GALNT13: variants seen among roughly 807,000 people sequenced by gnomAD.
GALNT13 encodes UDP-GalNAc:polypeptide N-acetylgalactosaminyltransferase 13.
A neutral mutation model predicts 64.2 loss-of-function variants in GALNT13; 28 were observed. The ratio of observed to expected loss-of-function variants is 0.44; its 90% CI spans 0.32 to 0.60. The LOEUF (loss-of-function observed/expected upper bound fraction) is 0.60. Among genes scored for constraint, GALNT13 ranks in the 20% least tolerant of loss-of-function variants. The probability of loss-of-function intolerance (pLI) is 0.05; values close to 1 mark genes in which losing one functional copy is unlikely to be tolerated. For synonymous variants in GALNT13, 214 were observed against 224.6 expected (o/e 0.95, Z 0.42); for missense variants, 577 against 669.8 (o/e 0.86, Z 1.53).
chr2:153,695,258 C>T, the GALNT13 span, among the ~76,000 whole-genome samples: 1 of 152,158 alleles, frequency 6.6e-6, no homozygotes, highest in Non-Finnish European at 1.5e-5. Flanking sequence ...AGATATTCAG[C>T]ATAAACAACA....
chr2:153,397,724 G>T, the GALNT13 span, among the ~76,000 whole-genome samples: 1 of 151,836 alleles, frequency 6.6e-6, no homozygotes, highest in African/African-American at 2.4e-5. Context: ...TGCTGCTCTA[G>T]TTGTTAACTG....
intron 2 of GALNT13, among the ~76,000 whole-genome samples, chr2:153,902,997 G>T (rs1688332851): frequency 6.6e-6 from 1 of 152,008 alleles, no homozygotes; most frequent in African/African-American, 2.4e-5. Flanking sequence ...AATAATCAGA[G>T]AAACATATTT....
At chr2:153,652,800 A>G in the GALNT13 span, among the ~76,000 whole-genome samples, 1 of 152,140 alleles carries the variant, frequency 6.6e-6, no homozygotes, top group Non-Finnish European at 1.5e-5. Context: ...TTTCTGCCTC[A>G]GCTCTAAAAT....
At chr2:153,211,584 A>C in the GALNT13 span, among the ~76,000 whole-genome samples, 1 of 152,220 alleles carries the variant, frequency 6.6e-6, no homozygotes, top group Non-Finnish European at 1.5e-5. Flanking sequence ...TAACAGCATC[A>C]AAGTTTGGTA....
the GALNT13 span, among the ~76,000 whole-genome samples, chr2:153,510,621 C>G: frequency 6.6e-6 from 1 of 152,140 alleles, no homozygotes; most frequent in East Asian, 1.9e-4. Context: ...TTGACCAAGC[C>G]TTTCAACTCA....
the GALNT13 span, among the ~76,000 whole-genome samples, chr2:153,168,067 A>G: frequency 6.6e-6 from 1 of 152,194 alleles, no homozygotes; most frequent in Non-Finnish European, 1.5e-5. Context: ...TTAGGTTCCT[A>G]GCATTTCTCT....
intron 9 of GALNT13, among the ~76,000 whole-genome samples, chr2:154,344,260 G>A (rs1695936475): frequency 7.2e-6 from 1 of 138,328 alleles, no homozygotes; most frequent in African/African-American, 2.5e-5. Flanking sequence ...TTAACAAATA[G>A]AAGGAGATCT....
the GALNT13 span, among the ~76,000 whole-genome samples, chr2:153,593,472 A>G: frequency 6.6e-6 from 1 of 152,106 alleles, no homozygotes; most frequent in Non-Finnish European, 1.5e-5. Context: ...CCCTGCCCCA[A>G]CCTGATGGTC....
the GALNT13 span, among the ~76,000 whole-genome samples, chr2:153,656,942 C>A: frequency 6.6e-6 from 1 of 151,904 alleles, no homozygotes; most frequent in South Asian, 2.1e-4. Context: ...GCAGCTATAG[C>A]AATGGGAAAG....
At chr2:153,555,624 C>G in the GALNT13 span, among the ~76,000 whole-genome samples, 1 of 152,154 alleles carries the variant, frequency 6.6e-6, no homozygotes, top group Non-Finnish European at 1.5e-5. Flanking sequence ...GGTGGTTACC[C>G]TTATCCCATT....
the GALNT13 span, among the ~76,000 whole-genome samples, chr2:153,159,951 A>G: frequency 8.3e-4 from 127 of 152,352 alleles, no homozygotes; most frequent in African/African-American, 3.0e-3. Context: ...GAGTTGTTCT[A>G]TGACCACTTT....
At chr2:153,438,864 G>A in the GALNT13 span, among the ~76,000 whole-genome samples, 1 of 152,140 alleles carries the variant, frequency 6.6e-6, no homozygotes, top group Non-Finnish European at 1.5e-5. Context: ...TGCTGGTGAG[G>A]AGCTGTGTTC....
chr2:153,986,469 A>T (rs1694806771), intron 3 of GALNT13, among the ~76,000 whole-genome samples: 1 of 151,942 alleles, frequency 6.6e-6, no homozygotes, highest in Admixed American at 6.6e-5. Flanking sequence ...CTGGGATTTG[A>T]TAGTTATGCT....
At chr2:153,491,744 C>A in the GALNT13 span, among the ~76,000 whole-genome samples, 1 of 151,948 alleles carries the variant, frequency 6.6e-6, no homozygotes, top group Non-Finnish European at 1.5e-5. Context: ...CCTCAGCCTC[C>A]CTGGTTGCTG....
the GALNT13 span, among the ~76,000 whole-genome samples, chr2:153,399,770 A>AT: frequency 4.6e-5 from 7 of 152,102 alleles, no homozygotes; most frequent in African/African-American, 1.7e-4. Flanking sequence ...TTGTACATTG[A>AT]TTTTGTATCC....
intron 4 of GALNT13, among the ~76,000 whole-genome samples, chr2:154,220,181 A>C (rs1017591563): frequency 6.6e-6 from 1 of 152,082 alleles, no homozygotes; most frequent in African/African-American, 2.4e-5. Context: ...TACTAGAATC[A>C]TGTTGACGCA....
In GALNT13 at chr2:153,944,462, T is replaced by C; in HGVS notation, c.-36T>C. On this transcript the variant is annotated 5_prime_UTR_variant, in exon 3 of 13. Transcript: ENST00000392825. ...TGGATTTATCACAGTAGCATTTGTC[T>C]TCAATCTGTGTGTTAACTAGAAATC... The C allele has an allele frequency of 6.2e-7, 1 of 1,602,104 alleles. No homozygotes were observed. Among genetic ancestry groups the C allele is most frequent in the East Asian group, 2.2e-5 (1 of 44,614 alleles).
At chr2:153,535,461 T>G in the GALNT13 span, among the ~76,000 whole-genome samples, 2 of 152,122 alleles carry the variant, frequency 1.3e-5, no homozygotes, top group Non-Finnish European at 2.9e-5. Flanking sequence ...GAGCAGGGCA[T>G]GTATGAGTAG....
rs750235764 is a variant in GALNT13, at chr2:154,245,793, G to C, written c.687-19G>C. On this transcript the variant is annotated intron_variant, in intron 6 of 12. Coordinates refer to ENST00000392825, the MANE Select transcript of GALNT13 (RefSeq NM_052917.4). ...TTTAATTATCATGTGTCTATAAATTGGTTTTAATTTCTCTGCAGGAAAACG... is the reference window on the plus strand; with the variant it reads ...TTTAATTATCATGTGTCTATAAATTCGTTTTAATTTCTCTGCAGGAAAACG... 6.6e-7 allele frequency: 1 copy of C among 1,523,038 alleles called. No individual in the cohort carries two copies. Among genetic ancestry groups the C allele is most frequent in the South Asian group, 1.2e-5 (1 of 84,802 alleles). The allele number at this position is 1,523,038 out of a possible 1,614,324, so 94.3% of individuals were successfully genotyped here.
Sources: gnomAD v4.1 joint callset for allele counts (sites outside exome capture counted in the v4.1 genomes callset) on GRCh38, gnomAD v4.1.1 for gene constraint, MANE v1.5 for transcripts, NCBI Gene and HGNC (gene_info 2026-07-23, HGNC 2026-07-21) for gene names.